HS2ST1: variants seen among roughly 807,000 people sequenced by gnomAD.
HS2ST1 encodes 2-O-sulfotransferase.
HS2ST1 carries 18 observed loss-of-function variants against 42.9 expected under a neutral mutation model. That is an observed-to-expected ratio of 0.42 (90% CI 0.29 to 0.62). HS2ST1 has a LOEUF of 0.62. HS2ST1 is among the 20% of genes least tolerant of loss of function. HS2ST1 has a pLI of 0.21. For synonymous variants in HS2ST1, 146 were observed against 152.9 expected, an observed-to-expected ratio of 0.95 and a Z score of 0.33; for missense variants, 334 against 433.8, an observed-to-expected ratio of 0.77 and a Z score of 2.04.
At chr1:87,049,559 G>C (rs1185743672) in intron 1 of HS2ST1, among the ~76,000 whole-genome samples, 1 of 151,814 alleles carries the variant, frequency 6.6e-6, no homozygotes, top group Non-Finnish European at 1.5e-5. Context: ...TTTAGTCCAA[G>C]TATTTGTGGA....
chr1:86,960,410 T>G (rs973843012), intron 1 of HS2ST1, among the ~76,000 whole-genome samples: 1 of 152,076 alleles, frequency 6.6e-6, no homozygotes. Flanking sequence ...AAAAGCATAC[T>G]CCATGAAAGA....
At chr1:87,064,341 G>A in intron 1 of HS2ST1, 1 of 357,910 alleles carries the variant, frequency 2.8e-6, no homozygotes, top group Non-Finnish European at 5.5e-6. Context: ...GGTTCCAGTA[G>A]TCTACTGTCT....
chr1:87,020,138 A>G (rs1048324851), intron 1 of HS2ST1, among the ~76,000 whole-genome samples: 1 of 152,188 alleles, frequency 6.6e-6, no homozygotes, highest in African/African-American at 2.4e-5. Flanking sequence ...GCTAAATTAT[A>G]TTTTGAGAGT....
At chr1:87,009,250 T>G (rs776824793) in intron 1 of HS2ST1, among the ~76,000 whole-genome samples, 1 of 152,222 alleles carries the variant, frequency 6.6e-6, no homozygotes, top group Non-Finnish European at 1.5e-5. Flanking sequence ...TCCATCCCTT[T>G]AAACTGTGTA....
intron 1 of HS2ST1, among the ~76,000 whole-genome samples, chr1:87,066,941 G>A (rs1299200437): frequency 6.6e-6 from 1 of 152,176 alleles, no homozygotes; most frequent in Admixed American, 6.5e-5. Context: ...TGGTGTATAT[G>A]TGCCACATTT....
intron 1 of HS2ST1, among the ~76,000 whole-genome samples, chr1:87,006,798 TAAG>T (rs1276373345): frequency 1.3e-5 from 2 of 152,134 alleles, no homozygotes; most frequent in Non-Finnish European, 2.9e-5. Flanking sequence ...TTTGCTAACA[TAAG>T]ATAATAGCTT....
At chr1:86,967,958 G>A (rs1648096996) in intron 1 of HS2ST1, among the ~76,000 whole-genome samples, 1 of 152,154 alleles carries the variant, frequency 6.6e-6, no homozygotes, top group African/African-American at 2.4e-5. Flanking sequence ...ATGCCAACAT[G>A]TATTGTTTTA....
At chr1:87,097,486 T>C (rs1318227039) in intron 4 of HS2ST1, among the ~76,000 whole-genome samples, 1 of 152,118 alleles carries the variant, frequency 6.6e-6, no homozygotes, top group Non-Finnish European at 1.5e-5. Context: ...TTCCACCTCC[T>C]GGGTTCAAGC....
intron 4 of HS2ST1, among the ~76,000 whole-genome samples, chr1:87,097,515 T>TC (rs1184750302): frequency 6.6e-6 from 1 of 152,136 alleles, no homozygotes; most frequent in Non-Finnish European, 1.5e-5. Context: ...CGCCTCAGCC[T>TC]CCTGAGTAGC....
intron 1 of HS2ST1, among the ~76,000 whole-genome samples, chr1:87,058,940 T>C (rs1651047162): frequency 6.6e-6 from 1 of 151,856 alleles, no homozygotes; most frequent in South Asian, 2.1e-4. Context: ...GTGCCTGTAG[T>C]CCCAGCTACT....
chr1:86,998,075 G>C (rs1346766838), intron 1 of HS2ST1, among the ~76,000 whole-genome samples: 5 of 152,226 alleles, frequency 3.3e-5, no homozygotes, highest in Non-Finnish European at 5.9e-5. Flanking sequence ...GATTGCTACA[G>C]AAGGTAAGAC....
chr1:87,060,994 T>G (rs1453612339), intron 1 of HS2ST1, among the ~76,000 whole-genome samples: 2 of 152,074 alleles, frequency 1.3e-5, no homozygotes, highest in East Asian at 3.8e-4. Context: ...TGAAAGAAAA[T>G]TTGATATTTA....
intron 5 of HS2ST1, chr1:87,098,488 T>C (rs1380436397): frequency 2.2e-6 from 1 of 451,896 alleles, no homozygotes; most frequent in Non-Finnish European, 2.9e-6. Context: ...TACGTATTTA[T>C]TTGTTCTATT....
chr1:87,099,946 T>C (rs899208954), intron 5 of HS2ST1, among the ~76,000 whole-genome samples: 2 of 152,212 alleles, frequency 1.3e-5, no homozygotes, highest in African/African-American at 4.8e-5. Context: ...ATCTCCTGCA[T>C]CCTGGTGCAA....
intron 1 of HS2ST1, among the ~76,000 whole-genome samples, chr1:86,933,973 C>T (rs1171714009): frequency 2.0e-5 from 3 of 152,138 alleles, no homozygotes; most frequent in Non-Finnish European, 4.4e-5. Flanking sequence ...TGTTATTACA[C>T]AGGAGCCCTA....
At chr1:86,947,951 G>A (rs549614235) in intron 1 of HS2ST1, among the ~76,000 whole-genome samples, 1 of 152,166 alleles carries the variant, frequency 6.6e-6, no homozygotes, top group South Asian at 2.1e-4. Flanking sequence ...TGTAGGTTGT[G>A]AGTACTTCAT....
chr1:86,924,516 G>A (rs1660371646), intron 1 of HS2ST1, among the ~76,000 whole-genome samples: 1 of 152,184 alleles, frequency 6.6e-6, no homozygotes. Flanking sequence ...GCAAACTTCT[G>A]CTTGGGTATC....
At chr1:87,066,882 C>T (rs781335979) in intron 1 of HS2ST1, among the ~76,000 whole-genome samples, 1 of 152,094 alleles carries the variant, frequency 6.6e-6, no homozygotes. Flanking sequence ...TTATCCATGT[C>T]CCTGCAAAGG....
chr1:87,037,413 TA>T, intron 1 of HS2ST1, among the ~76,000 whole-genome samples: 1 of 151,978 alleles, frequency 6.6e-6, no homozygotes, highest in South Asian at 2.1e-4. Context: ...TATGGCCCAA[TA>T]AATCTGTACA....
Sources: allele counts gnomAD v4.1 joint callset (sites outside exome capture counted in the v4.1 genomes callset), GRCh38; gene constraint gnomAD v4.1.1; transcripts MANE v1.5; gene names NCBI Gene and HGNC (gene_info 2026-07-23, HGNC 2026-07-21).